Variants in CASZ1 observed in about 807,000 individuals in gnomAD.
The protein encoded by CASZ1 is castor zinc finger 1, also known as zinc finger protein castor homolog 1.
A neutral mutation model predicts 135.2 loss-of-function variants in CASZ1; 28 were observed. That is an observed-to-expected ratio of 0.21 (90% CI 0.15 to 0.28). The LOEUF (loss-of-function observed/expected upper bound fraction) is 0.28. CASZ1 is among the 10% of genes least tolerant of loss of function. CASZ1 has a pLI of 1.00. For synonymous variants in CASZ1, 1,068 were observed against 1,073.4 expected (o/e 0.99, Z 0.10); for missense variants, 2,161 against 2,453.3 (o/e 0.88, Z 2.52).
Position 10,726,986 on chromosome 1 carries a change from G to A in CASZ1, c.-76-21442C>T, listed in dbSNP as rs966695785. Among the ~76,000 whole-genome samples the A allele has an allele frequency of 3.3e-5, 5 of 152,210 alleles. No individual in the cohort carries two copies. The highest frequency in any genetic ancestry group is 1.2e-4 in the African/African-American group (5 of 41,444). ...CTCTATCACGAAAGCCAGGACGGAG[G>A]GGAGGGAGACCGGGAGAGGTGACTG... On this transcript the variant is annotated intron_variant, in intron 2 of 20. Coordinates refer to ENST00000377022, the MANE Select transcript of CASZ1 (RefSeq NM_001079843.3). The surrounding 1 kb of genome is among the most constrained non-coding windows in gnomAD (Gnocchi z 5.7).
intron 4 of CASZ1, among the ~76,000 whole-genome samples, chr1:10,678,778 C>T (rs576515513): frequency 8.5e-5 from 13 of 152,076 alleles, no homozygotes; most frequent in African/African-American, 1.2e-4. Context: ...GCCTGACAGA[C>T]GCTATATCGC....
At chr1:10,728,314 C>A (rs932406093) in intron 2 of CASZ1, among the ~76,000 whole-genome samples, 2 of 152,246 alleles carry the variant, frequency 1.3e-5, no homozygotes, top group African/African-American at 4.8e-5. Context: ...CCCTCCCGCC[C>A]CCTCTGTGCC....
chr1:10,790,752 G>A (rs1432077917), intron 1 of CASZ1, among the ~76,000 whole-genome samples: 1 of 151,994 alleles, frequency 6.6e-6, no homozygotes. Context: ...TTCCCCCCTT[G>A]TAAGGACACA....
chr1:10,783,871 CAA>C (rs34487572), intron 1 of CASZ1, among the ~76,000 whole-genome samples: 1,383 of 78,936 alleles, frequency 0.018, 18 homozygotes, highest in African/African-American at 0.058. Flanking sequence ...GACTCCGTCT[CAA>C]AAAAAAAAAA....
rs2100426391 is a variant in CASZ1 at position 10,699,121 on chromosome 1, G to A, written c.-23-5209C>T. On this transcript the variant is annotated intron_variant, in intron 3 of 20. Coordinates refer to ENST00000377022, the MANE Select transcript of CASZ1 (RefSeq NM_001079843.3). This position sits in a 1 kb window ranked among gnomAD's most constrained non-coding sequence, Gnocchi z 4.6. Reference sequence around the variant, plus strand: ...TGCTTGCTCCAGGGCGTTCTCAGGGGCCCATGAGGCCTGGCAGGGTACCAG... The same window carrying A: ...TGCTTGCTCCAGGGCGTTCTCAGGGACCCATGAGGCCTGGCAGGGTACCAG... 6.6e-6 allele frequency among the ~76,000 whole-genome samples: 1 copy of A among 152,250 alleles called. No homozygotes were observed. The highest frequency in any genetic ancestry group is 1.9e-4 in the East Asian group (1 of 5,170).
rs76574557 is a variant in CASZ1 at position 10,677,714 on chromosome 1, C to T, written c.17-12143G>A. On this transcript the variant is annotated intron_variant, in intron 4 of 20. Transcript: ENST00000377022. ...CCCAGTTCCCAGTCTGAGCCCTCTCCGGCCCAGCAAATCCAATGCTACACA... is the reference window on the plus strand; with the variant it reads ...CCCAGTTCCCAGTCTGAGCCCTCTCTGGCCCAGCAAATCCAATGCTACACA... Among the ~76,000 whole-genome samples the T allele has an allele frequency of 2.2e-3, 338 of 152,352 alleles. 4 individuals are homozygous for T. The highest frequency in any genetic ancestry group is 0.021 in the East Asian group (111 of 5,184).
In CASZ1 at chr1:10,794,883, C is replaced by A. The variant is rs1641034515; in HGVS notation, c.-234+1681G>T. On this transcript the variant is annotated intron_variant, in intron 1 of 20. Coordinates refer to ENST00000377022, the MANE Select transcript of CASZ1 (RefSeq NM_001079843.3). The surrounding 1 kb of genome is among the most constrained non-coding windows in gnomAD (Gnocchi z 5.6). ...AAACGCTCCGCAGCGGCCCAGCAAC[C>A]GCCCGCCCGCCCGCGCCCGGCCAGC... 6.6e-6 allele frequency among the ~76,000 whole-genome samples: 1 copy of A among 151,034 alleles called. No homozygotes were observed. Among genetic ancestry groups the A allele is most frequent in the Non-Finnish European group, 1.5e-5 (1 of 67,640 alleles).
At chr1:10,790,402 G>A (rs1268081286) in intron 1 of CASZ1, among the ~76,000 whole-genome samples, 1 of 152,146 alleles carries the variant, frequency 6.6e-6, no homozygotes, top group African/African-American at 2.4e-5. Flanking sequence ...TCCTCTCTCC[G>A]TGAATCTCCC....
chr1:10,738,257 T>C (rs1474715886), intron 2 of CASZ1, among the ~76,000 whole-genome samples: 1 of 152,082 alleles, frequency 6.6e-6, no homozygotes, highest in Non-Finnish European at 1.5e-5. Context: ...CAGGGCCGCC[T>C]GGGCCTTCCA....
intron 1 of CASZ1, among the ~76,000 whole-genome samples, chr1:10,770,790 AAGGCAGTAGGCCAGGGGGCCATC>A (rs1640562143): frequency 2.0e-5 from 3 of 152,226 alleles, no homozygotes; most frequent in Admixed American, 2.0e-4. Flanking sequence ...CATCTTAAAG[AAGGCAGTAGGCCAGGGGGCCATC>A]TGCAAAGTCA....
At position 10,792,161 on chromosome 1, in the gene CASZ1, G is replaced by GA. The variant is rs35822672; in HGVS notation, c.-234+4402dup. ...AGAGAACCAGGGTGGCAGAAAGAAA[G>GA]AAAAAAAAAAAAACTCAAGTATTGC... On this transcript the variant is annotated intron_variant, in intron 1 of 20. Coordinates refer to ENST00000377022, the MANE Select transcript of CASZ1 (RefSeq NM_001079843.3). 6.6e-3 allele frequency among the ~76,000 whole-genome samples: 758 copies of GA among 114,990 alleles called. 4 individuals are homozygous for GA. Among genetic ancestry groups the GA allele is most frequent in the Middle Eastern group, 0.016 (3 of 182 alleles). 75.4% of individuals were successfully genotyped at this position (114,990 alleles called of 152,430 possible). A position where few individuals can be genotyped will look rare whatever the true frequency, so the allele number is the denominator to read the frequency against.
chr1:10,793,065 GA>G (rs774944133), intron 1 of CASZ1, among the ~76,000 whole-genome samples: 14 of 151,924 alleles, frequency 9.2e-5, no homozygotes, highest in African/African-American at 2.9e-4. Flanking sequence ...TAATAAGTGT[GA>G]AAAAAATTAG....
intron 4 of CASZ1, among the ~76,000 whole-genome samples, chr1:10,669,841 G>T (rs1255931702): frequency 6.6e-6 from 1 of 152,194 alleles, no homozygotes; most frequent in Non-Finnish European, 1.5e-5. Context: ...GTGTTCTGGG[G>T]CCGGGCTGCC....
intron 1 of CASZ1, among the ~76,000 whole-genome samples, chr1:10,778,091 C>A (rs1570584825): frequency 1.3e-5 from 2 of 151,468 alleles, no homozygotes; most frequent in East Asian, 3.9e-4. Context: ...ATAGTCACAC[C>A]ATCTCACACA....
chr1:10,670,636 A>C (rs2100315802), intron 4 of CASZ1, among the ~76,000 whole-genome samples: 1 of 152,336 alleles, frequency 6.6e-6, no homozygotes, highest in South Asian at 2.1e-4. Flanking sequence ...GCGGATCCTC[A>C]GTTCAGACTT....
Position 10,694,267 on chromosome 1 carries a change from G to C in CASZ1, c.-23-355C>G, listed in dbSNP as rs1407828838. 2 of 1,017,392 alleles carry C rather than the reference G, an allele frequency of 2.0e-6. No homozygotes were observed. The highest frequency in any genetic ancestry group is 2.4e-6 in the Non-Finnish European group (2 of 840,160). The allele number at this position is 1,017,392 out of a possible 1,614,324, so 63.0% of individuals were successfully genotyped here. A position where few individuals can be genotyped will look rare whatever the true frequency, so the allele number is the denominator to read the frequency against. ...GTCGCCGCCCGAGACCGCGGCCCCC[G>C]GGCCTCCCCCGCCCGCGCCCGGTAC... On this transcript the variant is annotated intron_variant, in intron 3 of 20. Coordinates refer to ENST00000377022, the MANE Select transcript of CASZ1 (RefSeq NM_001079843.3). This position sits in a 1 kb window ranked among gnomAD's most constrained non-coding sequence, Gnocchi z 6.6.
chr1:10,716,139 C>T (rs1239802348), intron 2 of CASZ1, among the ~76,000 whole-genome samples: 3 of 149,992 alleles, frequency 2.0e-5, no homozygotes, highest in African/African-American at 7.4e-5. Flanking sequence ...ACCCAATCCG[C>T]TCCCCACAGC....
chr1:10,749,525 G>A (rs1332875105), intron 2 of CASZ1, among the ~76,000 whole-genome samples: 1 of 152,162 alleles, frequency 6.6e-6, no homozygotes, highest in Non-Finnish European at 1.5e-5. Flanking sequence ...GGGATTACAG[G>A]TGTGAGCCAC....
chr1:10,653,189 G>A (rs776065763), intron 11 of CASZ1, 188 bp downstream of exon 11: 45 of 668,252 alleles, frequency 6.7e-5, no homozygotes, highest in Non-Finnish European at 1.1e-4. Context: ...TGGGGAGCCA[G>A]AACCAGGGGC....
Sources: allele counts gnomAD v4.1 joint callset (sites outside exome capture counted in the v4.1 genomes callset), GRCh38; gene constraint gnomAD v4.1.1; non-coding constraint Gnocchi (gnomAD v3.1); transcripts MANE v1.5; gene names NCBI Gene and HGNC (gene_info 2026-07-23, HGNC 2026-07-21).